FMNL2: variants seen among roughly 807,000 people sequenced by gnomAD.
FMNL2 encodes formin-like protein 2.
A neutral mutation model predicts 130.2 loss-of-function variants in FMNL2; 51 were observed. The ratio of observed to expected loss-of-function variants is 0.39; its 90% CI spans 0.31 to 0.49. The LOEUF (loss-of-function observed/expected upper bound fraction) is 0.49. Ranked by LOEUF, FMNL2 falls within the 20% of genes least tolerant of loss-of-function variation. The probability of loss-of-function intolerance (pLI) is 0.85; values close to 1 mark genes in which losing one functional copy is unlikely to be tolerated. For missense variants in FMNL2, 977 were observed against 1,316.2 expected, an observed-to-expected ratio of 0.74 and a Z score of 3.99; for synonymous variants, 465 against 467.1, an observed-to-expected ratio of 1.00 and a Z score of 0.06.
chr2:152,583,605 A>T (rs576785231), intron 9 of FMNL2, among the ~76,000 whole-genome samples: 1 of 152,258 alleles, frequency 6.6e-6, no homozygotes, highest in Non-Finnish European at 1.5e-5. Context: ...TACCTCAAAT[A>T]ACGATGTTCT....
intron 23 of FMNL2, among the ~76,000 whole-genome samples, chr2:152,638,259 A>G (rs1682786046): frequency 6.6e-6 from 1 of 152,228 alleles, no homozygotes; most frequent in African/African-American, 2.4e-5. Context: ...GAAAAAGCCT[A>G]TGACGCAAAG....
chr2:152,549,058 TA>T lies in FMNL2; in HGVS notation c.322del (p.Arg108GlufsTer7). 1 of 1,610,736 alleles carries T rather than the reference TA, an allele frequency of 6.2e-7. No homozygotes were observed. Among genetic ancestry groups the T allele is most frequent in the South Asian group, 1.1e-5 (1 of 89,990 alleles). ...RRRVQESTQV[L>X]RELEISLRTN... ...CGTGTTCAAGAATCTACACAAGTGC[TA>T]AGAGAACTGGAAATTTCTTTGAGAA... On this transcript the variant is annotated frameshift_variant, in exon 4 of 26. Transcript: ENST00000288670. LOFTEE classifies it high-confidence loss of function.
In FMNL2 at chr2:152,335,379, G is replaced by A. The variant is rs1237997686; in HGVS notation, c.-225G>A. ...CTACCCCTCCCGAGGAAAAGAGGCC[G>A]GGGCCGCGCTGGGGCGGCGGAGAGC... is the stretch of plus-strand genomic sequence containing the variant. On this transcript the variant is annotated 5_prime_UTR_variant, in exon 1 of 26. Transcript: ENST00000288670. The A allele has an allele frequency of 7.5e-5, 20 of 265,728 alleles. 1 individual carries two copies. The highest frequency in any genetic ancestry group is 4.5e-4 in the African/African-American group (20 of 44,310). 16.5% of individuals were successfully genotyped at this position (265,728 alleles called of 1,614,324 possible).
At chr2:152,472,327 C>T (rs996446372) in intron 1 of FMNL2, among the ~76,000 whole-genome samples, 2 of 152,130 alleles carry the variant, frequency 1.3e-5, no homozygotes, top group Non-Finnish European at 2.9e-5. Flanking sequence ...ATCCTGGTCA[C>T]TTATGTCTCA....
chr2:152,562,190 A>C (rs1410508211), intron 6 of FMNL2, among the ~76,000 whole-genome samples: 1 of 152,220 alleles, frequency 6.6e-6, no homozygotes, highest in Non-Finnish European at 1.5e-5. Flanking sequence ...TTAACATAAA[A>C]TTTTATTAAT....
intron 6 of FMNL2, among the ~76,000 whole-genome samples, chr2:152,564,776 G>GGTTTTTTT (rs373585565): frequency 1.3e-5 from 1 of 79,324 alleles, no homozygotes; most frequent in East Asian, 3.6e-4. Context: ...TACAAGGTTG[G>GGTTTTTTT]TTTTTTTTTT....
intron 1 of FMNL2, among the ~76,000 whole-genome samples, chr2:152,439,469 A>G (rs1450995181): frequency 6.6e-6 from 1 of 152,196 alleles, no homozygotes; most frequent in East Asian, 1.9e-4. Context: ...TGGTAATTAA[A>G]TAAGAAAACA....
intron 1 of FMNL2, among the ~76,000 whole-genome samples, chr2:152,510,359 C>T (rs1275744273): frequency 2.6e-5 from 4 of 152,120 alleles, no homozygotes; most frequent in Admixed American, 2.6e-4. Flanking sequence ...ATTTTTCCTT[C>T]CAGGGACTTG....
chr2:152,408,284 G>T lies in FMNL2; in HGVS notation c.117+72564G>T, dbSNP rs554167237. Among the ~76,000 whole-genome samples, 7 of 152,212 alleles carry T rather than the reference G, an allele frequency of 4.6e-5. No individual in the cohort carries two copies. The South Asian group carries it at 6.2e-4, about 14-fold the overall frequency. ...TTTTAAACACAATGAATTCTACCTT[G>T]TATCTTTATCGTAGCCCTAATGTTC... On this transcript the variant is annotated intron_variant, in intron 1 of 25. Coordinates refer to ENST00000288670, the MANE Select transcript of FMNL2 (RefSeq NM_052905.4).
intron 1 of FMNL2, among the ~76,000 whole-genome samples, chr2:152,411,302 G>A (rs541332787): frequency 3.3e-5 from 5 of 152,242 alleles, no homozygotes; most frequent in African/African-American, 1.2e-4. Flanking sequence ...TGTGTATTTG[G>A]GGGTGTGTGT....
intron 1 of FMNL2, among the ~76,000 whole-genome samples, chr2:152,439,235 G>A (rs1687932672): frequency 6.6e-6 from 1 of 152,056 alleles, no homozygotes; most frequent in African/African-American, 2.4e-5. Flanking sequence ...GGTCAAAAAT[G>A]AAATATAATC....
At chr2:152,510,465 A>G (rs1387034559) in intron 1 of FMNL2, among the ~76,000 whole-genome samples, 3 of 152,188 alleles carry the variant, frequency 2.0e-5, no homozygotes, top group African/African-American at 7.2e-5. Context: ...CTCTTATGTC[A>G]GTTGTTTTGG....
Position 152,580,817 on chromosome 2 carries a change from TG to T in FMNL2, c.783-138del, listed in dbSNP as rs773907852. Reference sequence around the variant, plus strand: ...TCAGTAAAGGTTTAAAAATGTACTTTGATTAAACTGTACCTTAGTAAAATTT... The same window carrying T: ...TCAGTAAAGGTTTAAAAATGTACTTTATTAAACTGTACCTTAGTAAAATTT... On this transcript the variant is annotated intron_variant, in intron 8 of 25. Coordinates refer to ENST00000288670, the MANE Select transcript of FMNL2 (RefSeq NM_052905.4). The T allele has an allele frequency of 5.9e-5, 42 of 715,710 alleles. 2 individuals carry two copies. Among genetic ancestry groups the T allele is most frequent in the Middle Eastern group, 4.9e-4 (2 of 4,082 alleles). 44.3% of individuals were successfully genotyped at this position (715,710 alleles called of 1,614,324 possible). A position where few individuals can be genotyped will look rare whatever the true frequency, so the allele number is the denominator to read the frequency against.
intron 1 of FMNL2, among the ~76,000 whole-genome samples, chr2:152,466,461 CT>C (rs141514616): frequency 0.024 from 3,725 of 152,328 alleles, 162 homozygotes; most frequent in African/African-American, 0.085. Context: ...TCCTTAACCA[CT>C]TATAGCCCCC....
At chr2:152,377,730 G>T (rs1312140238) in intron 1 of FMNL2, among the ~76,000 whole-genome samples, 1 of 152,194 alleles carries the variant, frequency 6.6e-6, no homozygotes, top group East Asian at 1.9e-4. Flanking sequence ...TCTGTCTGTG[G>T]CTAGAACTCT....
At chr2:152,530,009 A>G (rs1693602958) in intron 2 of FMNL2, among the ~76,000 whole-genome samples, 1 of 152,226 alleles carries the variant, frequency 6.6e-6, no homozygotes, top group South Asian at 2.1e-4. Flanking sequence ...CAAAATGTAT[A>G]TCACAGTGCC....
At chr2:152,627,044 C>A (rs1681842415) in intron 17 of FMNL2, among the ~76,000 whole-genome samples, 1 of 152,168 alleles carries the variant, frequency 6.6e-6, no homozygotes, top group African/African-American at 2.4e-5. Flanking sequence ...TTATGCGGGC[C>A]TCCAGCAATG....
At chr2:152,448,934 AT>A (rs1476089410) in intron 1 of FMNL2, among the ~76,000 whole-genome samples, 1 of 152,216 alleles carries the variant, frequency 6.6e-6, no homozygotes, top group East Asian at 1.9e-4. Flanking sequence ...CTTTTAAGCC[AT>A]GCACTTTGTG....
chr2:152,580,534 T>A (rs537082997), intron 8 of FMNL2, among the ~76,000 whole-genome samples: 28 of 151,416 alleles, frequency 1.8e-4, no homozygotes, highest in Non-Finnish European at 3.8e-4. Flanking sequence ...ATTTTGAACT[T>A]TTTTTTTTGC....
Sources: gnomAD v4.1 joint callset for allele counts (sites outside exome capture counted in the v4.1 genomes callset) on GRCh38, gnomAD v4.1.1 for gene constraint, MANE v1.5 for transcripts, NCBI Gene and HGNC (gene_info 2026-07-23, HGNC 2026-07-21) for gene names.